Variants in CFAP47 observed in about 807,000 individuals in gnomAD.
CFAP47 encodes cilia- and flagella-associated protein 47.
In CFAP47, 29 loss-of-function variants were observed where a neutral mutation model predicts 148.1. The ratio of observed to expected loss-of-function variants is 0.20; its 90% CI spans 0.15 to 0.27. CFAP47 has a LOEUF of 0.27. CFAP47 is among the 10% of genes least tolerant of loss of function. The pLI is 1.00. For missense variants in CFAP47, 1,872 were observed against 1,697.5 expected (o/e 1.10, Z -1.81); for synonymous variants, 664 against 577.3 (o/e 1.15, Z -2.15).
intron 49 of CFAP47, among the ~76,000 whole-genome samples, chrX:36,266,733 G>C (rs1399498168): frequency 9.0e-6 from 1 of 110,901 alleles, no homozygotes; most frequent in African/African-American, 3.3e-5. Context: ...GGGAGGGGCT[G>C]GGAGGTCAGT....
At chrX:36,130,589 A>T (rs1265657527) in intron 33 of CFAP47, among the ~76,000 whole-genome samples, 3 of 111,256 alleles carry the variant, frequency 2.7e-5, no homozygotes, top group Non-Finnish European at 5.7e-5. Context: ...TATTCAAAAG[A>T]CAGGAAACCA....
At chrX:35,923,974 T>C (rs372328887) in intron 1 of CFAP47, among the ~76,000 whole-genome samples, 3 of 91,225 alleles carry the variant, frequency 3.3e-5, no homozygotes, top group Middle Eastern at 4.9e-3. Context: ...TATGTGTATG[T>C]ATGTGTATAT....
Position 36,319,219 on chromosome X carries a change from TC to T in CFAP47, c.8358del (p.Arg2787GlyfsTer38). 1 of 1,093,027 alleles carries T rather than the reference TC, an allele frequency of 9.1e-7. No homozygotes were observed. The highest frequency in any genetic ancestry group is 1.2e-6 in the Non-Finnish European group (1 of 817,724). The allele number at this position is 1,093,027 out of a possible 1,213,427, so 90.1% of individuals were successfully genotyped here. Reference protein sequence around the residue: ...IDIILTSVEHPRNLVMDHCWD... With the variant: ...IDIILTSVEHXRNLVMDHCWD... The stretch of plus-strand genomic sequence containing the variant: ...TTATTTTTTAATTAGGTGTGGAACA[TC>T]CCAGGAATCTTGTCATGGATCATTG... On this transcript the variant is annotated frameshift_variant, in exon 57 of 64. Transcript: ENST00000378653. LOFTEE classifies it high-confidence loss of function.
chrX:35,978,456 T>A lies in CFAP47; in HGVS notation c.2713+2543T>A, dbSNP rs1267087897. 1.1e-4 allele frequency among the ~76,000 whole-genome samples: 12 copies of A among 112,001 alleles called. No individual in the cohort carries two copies. The Admixed American group carries it at 1.1e-3, about 11-fold the overall frequency. On this transcript the variant is annotated intron_variant, in intron 15 of 63. Coordinates refer to ENST00000378653, the MANE Select transcript of CFAP47 (RefSeq NM_001304548.2). Reference sequence around the variant, plus strand: ...TATTTTTACAGGAGAGGTTTTTACATTTAATTTTATTTTCTTTGGTTGCTC... The same window carrying A: ...TATTTTTACAGGAGAGGTTTTTACAATTAATTTTATTTTCTTTGGTTGCTC...
chrX:36,152,436 A>G (rs753368944), intron 37 of CFAP47, among the ~76,000 whole-genome samples: 2 of 111,729 alleles, frequency 1.8e-5, no homozygotes, highest in South Asian at 7.6e-4. Context: ...ACCTGACCCA[A>G]CAGTGGCTCC....
At chrX:36,034,966 G>A (rs1445129686) in intron 23 of CFAP47, among the ~76,000 whole-genome samples, 1 of 109,883 alleles carries the variant, frequency 9.1e-6, no homozygotes, top group African/African-American at 3.3e-5. Flanking sequence ...ATTTATATAT[G>A]TGTCCCTCTC....
At chrX:36,089,586 C>T (rs1254054170) in intron 30 of CFAP47, among the ~76,000 whole-genome samples, 2 of 110,939 alleles carry the variant, frequency 1.8e-5, no homozygotes, top group African/African-American at 6.5e-5. Flanking sequence ...TATATTCCAA[C>T]TCTTCTGTAC....
chrX:36,142,200 A>G (rs1167226147), intron 35 of CFAP47, among the ~76,000 whole-genome samples: 1 of 111,493 alleles, frequency 9.0e-6, no homozygotes, highest in African/African-American at 3.3e-5. Context: ...GATATGGCAC[A>G]TTAAATCCAG....
At chrX:36,294,364 CAGG>C (rs1299428732) in intron 51 of CFAP47, among the ~76,000 whole-genome samples, 2 of 90,910 alleles carry the variant, frequency 2.2e-5, no homozygotes, top group East Asian at 6.5e-4. Flanking sequence ...CAGAAAGAAT[CAGG>C]AGAAGACTTC....
At chrX:36,224,744 T>G (rs1197263508) in intron 45 of CFAP47, among the ~76,000 whole-genome samples, 3 of 111,799 alleles carry the variant, frequency 2.7e-5, no homozygotes. Flanking sequence ...ACCCAGGTAG[T>G]ACCATGTGGA....
intron 35 of CFAP47, among the ~76,000 whole-genome samples, chrX:36,141,365 A>G (rs1362781376): frequency 9.0e-6 from 1 of 111,623 alleles, no homozygotes; most frequent in Non-Finnish European, 1.9e-5. Flanking sequence ...ATGTCCAAGG[A>G]CAGGAGGAGA....
At chrX:36,028,544 A>T (rs762242174) in intron 22 of CFAP47, among the ~76,000 whole-genome samples, 1 of 110,860 alleles carries the variant, frequency 9.0e-6, no homozygotes, top group Non-Finnish European at 1.9e-5. Context: ...GTTTTCTTTC[A>T]TCAGTGTTTT....
chrX:36,004,849 C>T (rs760375016), intron 21 of CFAP47, among the ~76,000 whole-genome samples: 89 of 110,545 alleles, frequency 8.1e-4, no homozygotes, highest in African/African-American at 2.7e-3. Context: ...TTGAATTGTA[C>T]CCTTTTGGTG....
At chrX:36,211,795 A>C (rs1555989554) in intron 45 of CFAP47, among the ~76,000 whole-genome samples, 1 of 111,320 alleles carries the variant, frequency 9.0e-6, no homozygotes, top group African/African-American at 3.3e-5. Flanking sequence ...CCCCCTGTAC[A>C]CAACTCCCTT....
chrX:36,383,742 A>C (rs1556024607), intron 63 of CFAP47, among the ~76,000 whole-genome samples: 1 of 110,804 alleles, frequency 9.0e-6, no homozygotes, highest in African/African-American at 3.3e-5. Context: ...ACTTAATATT[A>C]ATTGACAGGT....
In CFAP47 at chrX:36,261,596, A is replaced by T. The variant is rs1196663373; in HGVS notation, c.7444+10152A>T. Among the ~76,000 whole-genome samples the T allele has an allele frequency of 4.7e-3, 516 of 108,756 alleles. 2 individuals are homozygous for T. Among genetic ancestry groups the T allele is most frequent in the Non-Finnish European group, 7.1e-3 (373 of 52,604 alleles). The allele number at this position is 108,756 out of a possible 115,157, so 94.4% of individuals were successfully genotyped here. A position where few individuals can be genotyped will look rare whatever the true frequency, so the allele number is the denominator to read the frequency against. ...ATCTTGCACCGCCCTTAATCCATTT[A>T]ACTCTGAGTGGACACAGCACATGTT... On this transcript the variant is annotated intron_variant, in intron 49 of 63. Coordinates refer to ENST00000378653, the MANE Select transcript of CFAP47 (RefSeq NM_001304548.2).
chrX:36,144,511 C>T (rs1358786830), intron 35 of CFAP47: 5 of 980,512 alleles, frequency 5.1e-6, no homozygotes, highest in Non-Finnish European at 6.6e-6. Context: ...TAGGTGTCAA[C>T]TTGACTGGAT....
intron 22 of CFAP47, among the ~76,000 whole-genome samples, chrX:36,017,269 G>A (rs769776828): frequency 8.9e-6 from 1 of 112,138 alleles, no homozygotes; most frequent in South Asian, 3.7e-4. Flanking sequence ...ACTGGATAAA[G>A]AAAATGTGGT....
chrX:36,199,180 T>C (rs1939950081), intron 42 of CFAP47, among the ~76,000 whole-genome samples: 1 of 111,985 alleles, frequency 8.9e-6, no homozygotes, highest in African/African-American at 3.2e-5. Flanking sequence ...TCAACCATTG[T>C]GATTGCATAT....
Sources: gnomAD v4.1 joint callset for allele counts (sites outside exome capture counted in the v4.1 genomes callset) on GRCh38, gnomAD v4.1.1 for gene constraint, MANE v1.5 for transcripts, NCBI Gene and HGNC (gene_info 2026-07-23, HGNC 2026-07-21) for gene names.